The following PRAME variants were observed in gnomAD, a reference collection of about 807,000 sequenced individuals.
PRAME encodes PRAME nuclear receptor transcriptional regulator.
A neutral mutation model predicts 32.1 loss-of-function variants in PRAME; 21 were observed. The observed-to-expected ratio is 0.65, with a 90% confidence interval of 0.46 to 0.94. The LOEUF (loss-of-function observed/expected upper bound fraction) is 0.94, where lower values mean the gene tolerates loss of function less well. Ranked by LOEUF, PRAME falls within the 40% of genes least tolerant of loss-of-function variation. The probability of loss-of-function intolerance (pLI) is 0.00; values close to 1 mark genes in which losing one functional copy is unlikely to be tolerated. For synonymous variants in PRAME, 274 were observed against 251.5 expected (o/e 1.09, Z -0.85); for missense variants, 651 against 622.3 (o/e 1.05, Z -0.49).
At chr22:22,556,577 C>G (rs1417752840) in intron 3 of PRAME, among the ~76,000 whole-genome samples, 3 of 151,870 alleles carry the variant, frequency 2.0e-5, no homozygotes, top group African/African-American at 7.3e-5. Flanking sequence ...TCCCAAAGTG[C>G]TGGGATTACA....
rs376889173 is a variant in PRAME at position 22,554,030 on chromosome 22, G to C, written c.21+2782C>G. 8 of 985,102 alleles carry C rather than the reference G, an allele frequency of 8.1e-6. No homozygotes were observed. The East Asian group carries it at 4.6e-4, about 56-fold the overall frequency. The allele number at this position is 985,102 out of a possible 1,614,324, so 61.0% of individuals were successfully genotyped here. A position where few individuals can be genotyped will look rare whatever the true frequency, so the allele number is the denominator to read the frequency against. The stretch of plus-strand genomic sequence containing the variant: ...ATTCTGGTCAGCGAGATGCAATCAG[G>C]CCTATCAATTAGACTCAGTTTTTCT... On this transcript the variant is annotated intron_variant, in intron 3 of 5. Coordinates refer to ENST00000405655, the MANE Select transcript of PRAME (RefSeq NM_206956.3).
At position 22,547,935 on chromosome 22, in the gene PRAME, A is replaced by T; in HGVS notation, c.*132T>A. On this transcript the variant is annotated 3_prime_UTR_variant, in exon 6 of 6. Coordinates refer to ENST00000405655, the MANE Select transcript of PRAME (RefSeq NM_206956.3). ...ACATTTGTCTGAATGTTTTTTCCTC[A>T]CTGAACATGTTTTCCTCACTCACAC... 1 of 1,024,216 alleles carries T rather than the reference A, an allele frequency of 9.8e-7. No homozygotes were observed. Among genetic ancestry groups the T allele is most frequent in the Non-Finnish European group, 1.4e-6 (1 of 696,132 alleles). The allele number at this position is 1,024,216 out of a possible 1,614,324, so 63.4% of individuals were successfully genotyped here. A position where few individuals can be genotyped will look rare whatever the true frequency, so the allele number is the denominator to read the frequency against.
intron 3 of PRAME, among the ~76,000 whole-genome samples, chr22:22,555,419 G>A (rs2062846760): frequency 6.6e-6 from 1 of 151,902 alleles, no homozygotes; most frequent in Admixed American, 6.6e-5. Context: ...TGTATTTTTA[G>A]TAGAGATGGG....
chr22:22,550,043 C>T lies in PRAME; in HGVS notation c.636G>A (p.Lys212=), dbSNP rs1299219769. The change falls in exon 5 of 6, where the codon AAG becomes AAA. Residue 212 remains lysine, a synonymous_variant. Coordinates refer to ENST00000405655, the MANE Select transcript of PRAME (RefSeq NM_206956.3). ...KKNVLRLCCK[K]LKIFAMPMQD... is the part of the protein sequence containing the mutation. The stretch of plus-strand genomic sequence containing the variant: ...GCATGGGCATTGCAAAAATCTTCAG[C>T]TTCTTACAGCACAGGCGTAGTACAT... 1.2e-6 allele frequency: 2 copies of T among 1,613,892 alleles called. No homozygotes were observed. Among genetic ancestry groups the T allele is most frequent in the East Asian group, 2.2e-5 (1 of 44,800 alleles).
Position 22,550,432 on chromosome 22 carries a change from T to C in PRAME, c.345-98A>G, listed in dbSNP as rs554023942. The stretch of plus-strand genomic sequence containing the variant: ...AATGTAGGTAAGAACCAAACAGACA[T>C]CCACCTTAGATCTGCACTTTTACTT... On this transcript the variant is annotated intron_variant, in intron 4 of 5. Coordinates refer to ENST00000405655, the MANE Select transcript of PRAME (RefSeq NM_206956.3). The C allele has an allele frequency of 2.8e-6, 4 of 1,440,066 alleles. No individual in the cohort carries two copies. In the East Asian group the frequency reaches 9.2e-5, roughly 33 times the overall value. The allele number at this position is 1,440,066 out of a possible 1,614,324, so 89.2% of individuals were successfully genotyped here.
intron 2 of PRAME, 27 bp from the exon 3 acceptor site, chr22:22,556,936 AAAAG>A: frequency 1.4e-6 from 2 of 1,420,634 alleles, no homozygotes; most frequent in Non-Finnish European, 9.9e-7. Flanking sequence ...AAATGCTCCA[AAAAG>A]AAGAATACAT....
At chr22:22,558,144 T>TG (rs1253883328) in intron 1 of PRAME, among the ~76,000 whole-genome samples, 4 of 62 alleles carry the variant, frequency 0.065, no homozygotes, top group African/African-American at 0.2. Flanking sequence ...AGAAAGACAG[T>TG]GGGGGGGGAT....
intron 5 of PRAME, 98 bp downstream of exon 5, chr22:22,549,628 G>A (rs1022728449): frequency 3.5e-6 from 5 of 1,437,790 alleles, no homozygotes; most frequent in South Asian, 1.5e-5. Flanking sequence ...GCTCACTCTT[G>A]CATTATTGGT....
chr22:22,549,584 G>A, intron 5 of PRAME, 142 bp downstream of exon 5: 1 of 1,093,208 alleles, frequency 9.1e-7, no homozygotes, highest in Non-Finnish European at 1.3e-6. Flanking sequence ...CTTGGGGACA[G>A]TGGTGAACAA....
rs1426633682 is a variant in PRAME, at chr22:22,559,028, G to A, written c.-171C>T. On this transcript the variant is annotated 5_prime_UTR_variant, in exon 1 of 6. Coordinates refer to ENST00000405655, the MANE Select transcript of PRAME (RefSeq NM_206956.3). ...GAGTCGGTTTCCCAGAACTTTCTGAGGCCCGCGCATGCTCCCCTCGACTCC... is the reference window on the plus strand; with the variant it reads ...GAGTCGGTTTCCCAGAACTTTCTGAAGCCCGCGCATGCTCCCCTCGACTCC... 1 of 164,300 alleles carries A rather than the reference G, an allele frequency of 6.1e-6. No individual in the cohort carries two copies. Among genetic ancestry groups the A allele is most frequent in the Admixed American group, 6.5e-5 (1 of 15,280 alleles). The allele number at this position is 164,300 out of a possible 1,614,324, so 10.2% of individuals were successfully genotyped here. A position where few individuals can be genotyped will look rare whatever the true frequency, so the allele number is the denominator to read the frequency against.
chr22:22,547,728 A>T lies in PRAME; in HGVS notation c.*339T>A, dbSNP rs1382980591. 1.8e-5 allele frequency: 5 copies of T among 285,178 alleles called. No homozygotes were observed. Among genetic ancestry groups the T allele is most frequent in the South Asian group, 8.3e-5 (1 of 12,004 alleles). The allele number at this position is 285,178 out of a possible 1,614,324, so 17.7% of individuals were successfully genotyped here. ...CTTCACATTGCTTCTCTTTATTTTC[A>T]ACAGTTTCTTTACAACAGTCTACAC... On this transcript the variant is annotated 3_prime_UTR_variant, in exon 6 of 6. Coordinates refer to ENST00000405655, the MANE Select transcript of PRAME (RefSeq NM_206956.3).
In PRAME at chr22:22,549,667, G is replaced by A. The variant is rs927776998; in HGVS notation, c.953+59C>T. On this transcript the variant is annotated intron_variant, in intron 5 of 5. Coordinates refer to ENST00000405655, the MANE Select transcript of PRAME (RefSeq NM_206956.3). ...TGGCACATACAAGATATCCTTTATT[G>A]TTTACTGCAATAAGGAAGGGCTTGC... 6 of 1,520,840 alleles carry A rather than the reference G, an allele frequency of 3.9e-6. No homozygotes were observed. The African/African-American group carries it at 5.6e-5, about 14-fold the overall frequency. The allele number at this position is 1,520,840 out of a possible 1,614,324, so 94.2% of individuals were successfully genotyped here. A position where few individuals can be genotyped will look rare whatever the true frequency, so the allele number is the denominator to read the frequency against.
chr22:22,556,946 T>C (rs1278585061), intron 2 of PRAME, 37 bp from the exon 3 acceptor site: 4 of 1,293,502 alleles, frequency 3.1e-6, no homozygotes, highest in South Asian at 1.2e-5. Flanking sequence ...AAAAGAAGAA[T>C]ACATGTATAA....
intron 3 of PRAME, among the ~76,000 whole-genome samples, chr22:22,553,274 A>G (rs551216769): frequency 1.1e-4 from 17 of 152,050 alleles, no homozygotes; most frequent in African/African-American, 3.9e-4. Context: ...ATGCCTATCC[A>G]AGGAAAAAGG....
In PRAME at chr22:22,548,370, C is replaced by T. The variant is rs17497547; in HGVS notation, c.1227G>A (p.Thr409=). The change falls in exon 6 of 6, where the codon ACG becomes ACA. Residue 409 remains threonine, a synonymous_variant. Coordinates refer to ENST00000405655, the MANE Select transcript of PRAME (RefSeq NM_206956.3). ...LPSLSHCSQL[T]TLSFYGNSIS... Reference sequence around the variant, plus strand: ...TGGAATTCCCGTAGAAGCTTAAGGTCGTAAGCTGGGAGCAGTGGCTCAGGG... The same window carrying T: ...TGGAATTCCCGTAGAAGCTTAAGGTTGTAAGCTGGGAGCAGTGGCTCAGGG... 0.87 allele frequency: 1,395,861 copies of T among 1,613,374 alleles called. 604,787 individuals are homozygous for T. The highest frequency in any genetic ancestry group is 0.96 in the East Asian group (42,853 of 44,762).
chr22:22,555,937 G>A, intron 3 of PRAME: 1 of 469,464 alleles, frequency 2.1e-6, no homozygotes, highest in Middle Eastern at 3.3e-4. Flanking sequence ...GATTACCCCG[G>A]GGAAAGGTTC....
In PRAME at chr22:22,548,047, C is replaced by G; in HGVS notation, c.*20G>C. On this transcript the variant is annotated 3_prime_UTR_variant, in exon 6 of 6. Transcript: ENST00000405655. ...TAGTGTCCAAGTATGCAGAATGAAG[C>G]ATTTGATATGTGCACCCAGCTAATT... 2 of 1,590,274 alleles carry G rather than the reference C, an allele frequency of 1.3e-6. No homozygotes were observed. The highest frequency in any genetic ancestry group is 2.3e-5 in the South Asian group (2 of 87,594).
In PRAME at chr22:22,552,022, T is replaced by G. The variant is rs774032331; in HGVS notation, c.22-933A>C. Among the ~76,000 whole-genome samples the G allele has an allele frequency of 2.6e-5, 4 of 151,070 alleles. No individual in the cohort carries two copies. In the South Asian group the frequency reaches 8.4e-4, roughly 32 times the overall value. On this transcript the variant is annotated intron_variant, in intron 3 of 5. Coordinates refer to ENST00000405655, the MANE Select transcript of PRAME (RefSeq NM_206956.3). ...CCACCCTCCAGCACAGTGGCTCATGTCTGTAATCCCAGCATTTTGGGAGGC... is the reference window on the plus strand; with the variant it reads ...CCACCCTCCAGCACAGTGGCTCATGGCTGTAATCCCAGCATTTTGGGAGGC...
chr22:22,554,931 C>A (rs2147030940), intron 3 of PRAME, among the ~76,000 whole-genome samples: 1 of 152,022 alleles, frequency 6.6e-6, no homozygotes, highest in Non-Finnish European at 1.5e-5. Context: ...CTGAGCTGTG[C>A]AATCTCCCTG....
Sources: gnomAD v4.1 joint callset for allele counts (sites outside exome capture counted in the v4.1 genomes callset) on GRCh38, gnomAD v4.1.1 for gene constraint, MANE v1.5 for transcripts, NCBI Gene and HGNC (gene_info 2026-07-23, HGNC 2026-07-21) for gene names.